The following LDLRAD4 variants were observed in gnomAD, a reference collection of about 807,000 sequenced individuals.
The protein encoded by LDLRAD4 is low density lipoprotein receptor class A domain containing 4.
Under a neutral mutation model 17.0 loss-of-function variants are expected in LDLRAD4, and 5 were observed. That is an observed-to-expected ratio of 0.29 (90% CI 0.15 to 0.62). LDLRAD4 has a LOEUF of 0.62. LDLRAD4 is among the 20% of genes least tolerant of loss of function. LDLRAD4 has a pLI of 0.84. For synonymous variants in LDLRAD4, 168 were observed against 171.8 expected, an observed-to-expected ratio of 0.98 and a Z score of 0.17; for missense variants, 340 against 424.7, an observed-to-expected ratio of 0.80 and a Z score of 1.75.
At chr18:13,287,916 T>C (rs1321521237) in intron 1 of LDLRAD4, among the ~76,000 whole-genome samples, 1 of 152,226 alleles carries the variant, frequency 6.6e-6, no homozygotes, top group African/African-American at 2.4e-5. Context: ...TAAGGCAAAA[T>C]GTACCTGCAT....
At chr18:13,286,209 G>T (rs964072586) in intron 1 of LDLRAD4, among the ~76,000 whole-genome samples, 1 of 152,164 alleles carries the variant, frequency 6.6e-6, no homozygotes, top group African/African-American at 2.4e-5. Context: ...TGTGTCTAGT[G>T]TATTTCACTT....
In LDLRAD4 at chr18:13,475,714, C is replaced by T. The variant is rs117382558; in HGVS notation, c.181+37330C>T. Reference sequence around the variant, plus strand: ...CTCTTCCCTCCAGAATTCACAGCCTCATCAGGAGTACATATGAAACAGCTA... The same window carrying T: ...CTCTTCCCTCCAGAATTCACAGCCTTATCAGGAGTACATATGAAACAGCTA... On this transcript the variant is annotated intron_variant, in intron 3 of 5. Coordinates refer to ENST00000359446, the Ensembl canonical transcript of LDLRAD4. Among the ~76,000 whole-genome samples, 366 of 152,282 alleles carry T rather than the reference C, an allele frequency of 2.4e-3. 3 individuals carry two copies. Among genetic ancestry groups the T allele is most frequent in the South Asian group, 0.013 (65 of 4,820 alleles).
At chr18:13,650,193 CT>C (rs2043185876) in exon 6 of LDLRAD4, 1 of 400,220 alleles carries the variant, frequency 2.5e-6, no homozygotes, top group Non-Finnish European at 4.4e-6. Context: ...ACCCGGCACG[CT>C]GTGTCCTTTG....
At chr18:13,472,082 A>G (rs1289587596) in intron 3 of LDLRAD4, 1 of 151,976 alleles carries the variant, frequency 6.6e-6, no homozygotes, top group Non-Finnish European at 1.5e-5. Context: ...GACGCTGCCC[A>G]CCTCCCAGCC....
intron 1 of LDLRAD4, among the ~76,000 whole-genome samples, chr18:13,341,827 T>C (rs990140298): frequency 6.6e-6 from 1 of 152,110 alleles, no homozygotes; most frequent in Non-Finnish European, 1.5e-5. Flanking sequence ...AGAGAAAATG[T>C]TTTTAGTCTT....
chr18:13,526,909 C>T (rs974694390), intron 3 of LDLRAD4, among the ~76,000 whole-genome samples: 1 of 152,184 alleles, frequency 6.6e-6, no homozygotes, highest in African/African-American at 2.4e-5. Context: ...CTCCTTCCCT[C>T]ACTTCCTTCC....
At chr18:13,642,243 C>T in intron 4 of LDLRAD4, 7 of 986,760 alleles carry the variant, frequency 7.1e-6, no homozygotes, top group Non-Finnish European at 8.4e-6. Context: ...GGCGCCGGGG[C>T]CGTCGGAGGC....
At chr18:13,503,823 CAA>C in intron 3 of LDLRAD4, among the ~76,000 whole-genome samples, 1 of 151,286 alleles carries the variant, frequency 6.6e-6, no homozygotes, top group Middle Eastern at 3.4e-3. Flanking sequence ...AAAAATGACT[CAA>C]AAGAAATAAT....
At chr18:13,444,841 G>C (rs1044783003) in intron 3 of LDLRAD4, among the ~76,000 whole-genome samples, 1 of 152,148 alleles carries the variant, frequency 6.6e-6, no homozygotes, top group African/African-American at 2.4e-5. Flanking sequence ...GATGAAAAAG[G>C]CTTTTGCTTG....
At chr18:13,334,560 G>A (rs893140267) in intron 1 of LDLRAD4, among the ~76,000 whole-genome samples, 1 of 152,138 alleles carries the variant, frequency 6.6e-6, no homozygotes, top group Non-Finnish European at 1.5e-5. Flanking sequence ...TATTAACTTT[G>A]TATCCTAGAA....
chr18:13,465,755 T>C (rs964456549), intron 3 of LDLRAD4, among the ~76,000 whole-genome samples: 23 of 152,244 alleles, frequency 1.5e-4, no homozygotes, highest in Admixed American at 3.9e-4. Flanking sequence ...ACACTGAGTC[T>C]GTTTAGGCAA....
At chr18:13,269,144 C>G (rs182484017) in intron 1 of LDLRAD4, among the ~76,000 whole-genome samples, 7 of 152,176 alleles carry the variant, frequency 4.6e-5, no homozygotes, top group African/African-American at 1.7e-4. Flanking sequence ...TCTTTGAATG[C>G]GAGAGGGCTG....
At chr18:13,570,670 AGAGCCTCACTCTG>A (rs545013494) in intron 3 of LDLRAD4, among the ~76,000 whole-genome samples, 11 of 152,362 alleles carry the variant, frequency 7.2e-5, no homozygotes, top group African/African-American at 2.6e-4. Flanking sequence ...AGATCCAGCA[AGAGCCTCACTCTG>A]GAGCCTCATA....
chr18:13,568,675 A>G (rs1345976401), intron 3 of LDLRAD4, among the ~76,000 whole-genome samples: 1 of 152,212 alleles, frequency 6.6e-6, no homozygotes, highest in African/African-American at 2.4e-5. Flanking sequence ...AAGGCAGAAT[A>G]AAAACGAGTG....
intron 1 of LDLRAD4, among the ~76,000 whole-genome samples, chr18:13,332,745 T>C (rs202208378): frequency 3.9e-5 from 2 of 51,682 alleles, no homozygotes; most frequent in Non-Finnish European, 7.0e-5. Context: ...ATTTTTTTTG[T>C]TTTTTTTTTT....
At chr18:13,602,740 G>A (rs2095178734) in intron 3 of LDLRAD4, among the ~76,000 whole-genome samples, 1 of 151,714 alleles carries the variant, frequency 6.6e-6, no homozygotes, top group Admixed American at 6.6e-5. Flanking sequence ...GAGCCACTGT[G>A]CCCGGCCTAA....
chr18:13,267,387 T>C (rs141520808), intron 1 of LDLRAD4, among the ~76,000 whole-genome samples: 112 of 152,354 alleles, frequency 7.4e-4, no homozygotes, highest in African/African-American at 2.6e-3. Context: ...GAGTGGTCTA[T>C]CTCATTTATT....
At chr18:13,578,511 G>A (rs1276557129) in intron 3 of LDLRAD4, among the ~76,000 whole-genome samples, 2 of 152,110 alleles carry the variant, frequency 1.3e-5, no homozygotes, top group Admixed American at 6.5e-5. Flanking sequence ...GCCAAGCATG[G>A]TGCTAGGTGC....
intron 1 of LDLRAD4, among the ~76,000 whole-genome samples, chr18:13,352,085 A>G (rs2083070562): frequency 6.6e-6 from 1 of 152,232 alleles, no homozygotes; most frequent in Non-Finnish European, 1.5e-5. Flanking sequence ...AAAAACTCTC[A>G]ATAAACTATG....
Sources: gnomAD v4.1 joint callset for allele counts (sites outside exome capture counted in the v4.1 genomes callset) on GRCh38, gnomAD v4.1.1 for gene constraint, MANE v1.5 for transcripts, NCBI Gene and HGNC (gene_info 2026-07-23, HGNC 2026-07-21) for gene names.